GRM7: variants seen among roughly 807,000 people sequenced by gnomAD.
GRM7 encodes the protein metabotropic glutamate receptor 7.
In GRM7, 35 loss-of-function variants were observed where a neutral mutation model predicts 84.5. The observed-to-expected ratio is 0.41, with a 90% CI of 0.32 to 0.55. GRM7 has a LOEUF of 0.55. Ranked by LOEUF, GRM7 falls within the 20% of genes least tolerant of loss-of-function variation. GRM7 has a pLI of 0.19. For synonymous variants in GRM7, 487 were observed against 455.1 expected (o/e 1.07, Z -0.89); for missense variants, 1,003 against 1,194.6 (o/e 0.84, Z 2.36).
chr3:7,509,618 G>A (rs532620994), intron 7 of GRM7, among the ~76,000 whole-genome samples: 3 of 152,168 alleles, frequency 2.0e-5, no homozygotes, highest in Non-Finnish European at 4.4e-5. Flanking sequence ...CTAGGAAGAG[G>A]TGCATTCACC....
chr3:7,424,455 T>A (rs1696521726), intron 5 of GRM7, among the ~76,000 whole-genome samples: 1 of 152,168 alleles, frequency 6.6e-6, no homozygotes, highest in African/African-American at 2.4e-5. Context: ...TTGTATGTGT[T>A]TACGTTATTC....
At chr3:7,696,362 G>A (rs1015887335) in intron 9 of GRM7, among the ~76,000 whole-genome samples, 1 of 152,100 alleles carries the variant, frequency 6.6e-6, no homozygotes, top group Admixed American at 6.5e-5. Context: ...TTCTATAGTT[G>A]AACCTAATTC....
At chr3:7,559,034 A>G (rs1286017169) in intron 7 of GRM7, 1 of 152,380 alleles carries the variant, frequency 6.6e-6, no homozygotes, top group Non-Finnish European at 1.5e-5. Flanking sequence ...ACATCAGAAA[A>G]TTATTGAGCT....
At chr3:7,403,411 C>T (rs945090280) in intron 4 of GRM7, among the ~76,000 whole-genome samples, 1 of 151,130 alleles carries the variant, frequency 6.6e-6, no homozygotes, top group Admixed American at 6.6e-5. Context: ...ATAAATTTCA[C>T]CCTACATTCA....
chr3:7,142,835 T>G (rs1179668217), intron 1 of GRM7, among the ~76,000 whole-genome samples: 1 of 152,182 alleles, frequency 6.6e-6, no homozygotes, highest in African/African-American at 2.4e-5. Context: ...TTTAAATAGG[T>G]TATAGATGTT....
chr3:6,989,210 G>A (rs1490512477), intron 1 of GRM7, among the ~76,000 whole-genome samples: 1 of 152,160 alleles, frequency 6.6e-6, no homozygotes, highest in Non-Finnish European at 1.5e-5. Flanking sequence ...AGTCTGGAAG[G>A]CCATTCTTTG....
chr3:6,897,397 G>A (rs969794082), intron 1 of GRM7, among the ~76,000 whole-genome samples: 5 of 152,260 alleles, frequency 3.3e-5, no homozygotes, highest in Admixed American at 6.5e-5. Context: ...TGACTTCAAT[G>A]CCTACTCAAG....
intron 1 of GRM7, among the ~76,000 whole-genome samples, chr3:6,974,525 G>A (rs986765554): frequency 2.0e-5 from 3 of 152,196 alleles, no homozygotes; most frequent in Non-Finnish European, 2.9e-5. Flanking sequence ...GTAGCTGCCT[G>A]TAGAATGCGA....
chr3:7,608,048 G>C, intron 8 of GRM7: 1 of 358,954 alleles, frequency 2.8e-6, no homozygotes. Context: ...CTATGTTCCT[G>C]CAAAAGACAT....
chr3:7,137,379 G>C (rs545520950), intron 1 of GRM7, among the ~76,000 whole-genome samples: 1 of 152,180 alleles, frequency 6.6e-6, no homozygotes, highest in East Asian at 1.9e-4. Context: ...TGACTTGAAA[G>C]AGTATGATTT....
chr3:7,321,294 A>G (rs527953236), intron 4 of GRM7, among the ~76,000 whole-genome samples: 1 of 152,212 alleles, frequency 6.6e-6, no homozygotes, highest in African/African-American at 2.4e-5. Context: ...TTAGATAAGA[A>G]TCCTATTTGT....
intron 7 of GRM7, among the ~76,000 whole-genome samples, chr3:7,573,780 A>T (rs1039724465): frequency 6.6e-6 from 1 of 152,226 alleles, no homozygotes; most frequent in African/African-American, 2.4e-5. Flanking sequence ...TTTTCTGAGC[A>T]TTCTCAGGAG....
intron 1 of GRM7, among the ~76,000 whole-genome samples, chr3:7,017,392 A>G (rs1001533203): frequency 6.6e-6 from 1 of 152,222 alleles, no homozygotes; most frequent in African/African-American, 2.4e-5. Context: ...TGCAGAAGAA[A>G]ACAAGTTTTA....
chr3:7,242,087 T>C (rs953810236), intron 2 of GRM7, among the ~76,000 whole-genome samples: 1 of 152,196 alleles, frequency 6.6e-6, no homozygotes, highest in Admixed American at 6.6e-5. Flanking sequence ...TGTTAACTTA[T>C]AACCCCTTTT....
At chr3:6,880,912 A>G (rs1695484405) in intron 1 of GRM7, among the ~76,000 whole-genome samples, 1 of 152,170 alleles carries the variant, frequency 6.6e-6, no homozygotes, top group African/African-American at 2.4e-5. Context: ...TTAAAAGTTT[A>G]TTATAATCAG....
rs774338883 is a variant in GRM7, at chr3:7,603,094, C to T, written c.2451+23737C>T. 1.3e-4 allele frequency among the ~76,000 whole-genome samples: 19 copies of T among 151,966 alleles called. No individual in the cohort carries two copies. The Middle Eastern group carries it at 0.024, about 190-fold the overall frequency. Reference sequence around the variant, plus strand: ...ACGGTACTTAAAAAATAAATTCTGCCCAGTTAGTTAGAGCCACCACCATTG... The same window carrying T: ...ACGGTACTTAAAAAATAAATTCTGCTCAGTTAGTTAGAGCCACCACCATTG... On this transcript the variant is annotated intron_variant, in intron 8 of 9. Coordinates refer to ENST00000357716, the MANE Select transcript of GRM7 (RefSeq NM_000844.4).
chr3:6,993,694 C>T (rs1447181905), intron 1 of GRM7, among the ~76,000 whole-genome samples: 1 of 152,124 alleles, frequency 6.6e-6, no homozygotes, highest in East Asian at 1.9e-4. Context: ...AGCATTCAAG[C>T]TAAGCAACTA....
At chr3:6,868,733 A>T (rs964142188) in intron 1 of GRM7, among the ~76,000 whole-genome samples, 1 of 152,314 alleles carries the variant, frequency 6.6e-6, no homozygotes, top group Admixed American at 6.5e-5. Context: ...CTGAAAGTCA[A>T]GTTGATAGAG....
chr3:7,546,007 G>C (rs1021457893), intron 7 of GRM7, among the ~76,000 whole-genome samples: 7 of 152,120 alleles, frequency 4.6e-5, no homozygotes, highest in African/African-American at 1.7e-4. Context: ...AAATTACTTA[G>C]TGTAGTGCCT....
Sources: gnomAD v4.1 joint callset for allele counts (sites outside exome capture counted in the v4.1 genomes callset) on GRCh38, gnomAD v4.1.1 for gene constraint, MANE v1.5 for transcripts, NCBI Gene and HGNC (gene_info 2026-07-23, HGNC 2026-07-21) for gene names.